NOC4L: variants seen among roughly 807,000 people sequenced by gnomAD.
NOC4L encodes nucleolar complex associated 4 homolog.
A neutral mutation model predicts 62.8 loss-of-function variants in NOC4L; 40 were observed. The ratio of observed to expected loss-of-function variants is 0.64; its 90% confidence interval spans 0.49 to 0.83. The LOEUF (loss-of-function observed/expected upper bound fraction) is 0.83, where lower values mean the gene tolerates loss of function less well. Ranked by LOEUF, NOC4L falls within the 40% of genes least tolerant of loss-of-function variation. The pLI, the probability that NOC4L is intolerant of heterozygous loss-of-function variation, is 0.00. For missense variants in NOC4L, 927 were observed against 701.9 expected, an observed-to-expected ratio of 1.32 and a Z score of -3.62; for synonymous variants, 433 against 299.8, an observed-to-expected ratio of 1.44 and a Z score of -4.59.
At chr12:132,148,554 C>G in intron 7 of NOC4L, 55 bp from the exon 8 acceptor site, 1 of 1,538,952 alleles carries the variant, frequency 6.5e-7, no homozygotes, top group Non-Finnish European at 8.8e-7. Flanking sequence ...GGCAGCTGCT[C>G]GGGCTCTGGT....
At position 132,144,492 on chromosome 12, in the gene NOC4L, G is replaced by A. The variant is rs765800396; in HGVS notation, c.4G>A (p.Glu2Lys). MEREPGAAGVRR... is the reference protein window; with the variant it reads MKREPGAAGVRR... The stretch of plus-strand genomic sequence containing the variant: ...GTTGTTCCGTGTTGGGGGCGGCATG[G>A]AGCGGGAGCCGGGCGCCGCGGGAGT... Residue 2 changes from glutamate (E) to lysine (K), a missense_variant, in exon 1 of 15, where the codon GAG (glutamate) becomes AAG (lysine). Physicochemically the swap from Glu to Lys is moderately conservative, Grantham distance 56. Coordinates refer to ENST00000330579, the MANE Select transcript of NOC4L (RefSeq NM_024078.3). 9.8e-6 allele frequency: 15 copies of A among 1,526,530 alleles called. No individual in the cohort carries two copies. Among genetic ancestry groups the A allele is most frequent in the Middle Eastern group, 2.3e-4 (1 of 4,318 alleles). 94.6% of individuals were successfully genotyped at this position (1,526,530 alleles called of 1,614,324 possible).
chr12:132,151,870 C>T (rs754342376), intron 13 of NOC4L, 50 bp downstream of exon 13: 4 of 1,565,016 alleles, frequency 2.6e-6, no homozygotes, highest in Admixed American at 1.7e-5. Flanking sequence ...ATCCTTCGGC[C>T]CCTCAGAAAG....
In NOC4L at chr12:132,150,983, G is replaced by A. The variant is rs1283528934; in HGVS notation, c.904G>A (p.Gly302Arg). The change falls in exon 10 of 15, where the codon GGG (glycine) becomes AGG (arginine). Residue 302 changes from glycine to arginine, a missense_variant and splice_region_variant. Transcript: ENST00000330579. ...DFLTRACDLG[G>R]ALSLLALNGL... ...AGCCTGTGTCTGTCTGTCTGCAGGG[G>A]GGGCCCTCAGCCTCTTGGCCTTGAA... 2.5e-6 allele frequency: 4 copies of A among 1,608,004 alleles called. No individual in the cohort carries two copies. The highest frequency in any genetic ancestry group is 2.7e-5 in the African/African-American group (2 of 74,816).
chr12:132,148,928 CTAAT>C (rs1897845845), intron 9 of NOC4L, 33 bp downstream of exon 9: 1 of 686,150 alleles, frequency 1.5e-6, no homozygotes, highest in African/African-American at 2.0e-5. Context: ...CACCACACCC[CTAAT>C]CCCCTCGGTG....
chr12:132,148,008 A>G (rs534244738), intron 6 of NOC4L, 29 bp downstream of exon 6: 5 of 1,612,772 alleles, frequency 3.1e-6, no homozygotes, highest in South Asian at 2.2e-5. Flanking sequence ...AGGGGCGGAC[A>G]GGGCTGAGCC....
rs142849510 is a variant in NOC4L at position 132,151,745 on chromosome 12, C to T, written c.1242C>T (p.Asp414=). Residue 414 remains aspartate, a synonymous_variant, in exon 13 of 15, where the codon GAC becomes GAT. Coordinates refer to ENST00000330579, the MANE Select transcript of NOC4L (RefSeq NM_024078.3). The part of the protein sequence containing the change: ...LVHRPHGPEL[D]ADPYDPGEED... ...CCCACGTCTCATTCCTAGAGTTGGA[C>T]GCCGACCCCTACGACCCTGGAGAGG... The T allele has an allele frequency of 2.0e-3, 3,241 of 1,612,376 alleles. 6 individuals are homozygous for T. Among genetic ancestry groups the T allele is most frequent in the Non-Finnish European group, 2.5e-3 (2,991 of 1,179,820 alleles).
intron 3 of NOC4L, 49 bp from the exon 4 acceptor site, chr12:132,147,232 A>G (rs1007894384): frequency 5.1e-6 from 7 of 1,359,622 alleles, no homozygotes; most frequent in Admixed American, 5.6e-5. Context: ...CTCTGGGCCC[A>G]TCCGTGGGGT....
intron 4 of NOC4L, 60 bp downstream of exon 4, chr12:132,147,448 C>T: frequency 6.7e-7 from 1 of 1,500,348 alleles, no homozygotes; most frequent in Non-Finnish European, 9.1e-7. Context: ...CCCAGGATGG[C>T]CCCGTAGTGG....
intron 4 of NOC4L, 99 bp downstream of exon 4, chr12:132,147,487 T>G: frequency 6.9e-7 from 1 of 1,449,886 alleles, no homozygotes; most frequent in African/African-American, 1.4e-5. Context: ...TGAGCCTGGC[T>G]GTTGGCTGGG....
Position 132,152,105 on chromosome 12 carries a change from C to A in NOC4L, c.1339C>A (p.Pro447Thr). 6.2e-7 allele frequency: 1 copy of A among 1,612,154 alleles called. No individual in the cohort carries two copies. The highest frequency in any genetic ancestry group is 8.5e-7 in the Non-Finnish European group (1 of 1,179,816). Residue 447 changes from proline to threonine, a missense_variant, in exon 14 of 15, where the codon CCT becomes ACT. Physicochemically the swap from Pro to Thr is conservative, Grantham distance 38. Transcript: ENST00000330579. Reference sequence around the variant, plus strand: ...CCAGGCCCTCCAGCGCCACTACCACCCTGAGGTGTCCAAAGCCGCCAGCGT... The same window carrying A: ...CCAGGCCCTCCAGCGCCACTACCACACTGAGGTGTCCAAAGCCGCCAGCGT... ...ELQALQRHYH[P>T]EVSKAASVIN...
chr12:132,151,833 C>T lies in NOC4L; in HGVS notation c.1317+13C>T, dbSNP rs1359283137. ...GTGGGAGCTTCAGGTGAGGGCGCTG[C>T]TGCCACACCCTGGGGCCTCCCGAGC... On this transcript the variant is annotated intron_variant, in intron 13 of 14. Transcript: ENST00000330579. 2 of 1,609,032 alleles carry T rather than the reference C, an allele frequency of 1.2e-6. No individual in the cohort carries two copies. Among genetic ancestry groups the T allele is most frequent in the East Asian group, 4.5e-5 (2 of 44,794 alleles).
chr12:132,151,416 C>T (rs748919946), intron 11 of NOC4L, 48 bp downstream of exon 11: 2 of 1,602,642 alleles, frequency 1.2e-6, no homozygotes, highest in Non-Finnish European at 1.7e-6. Context: ...CGGCTGCAGC[C>T]TGGGGCCAGG....
In NOC4L at chr12:132,147,104, C is replaced by T. The variant is rs78342602; in HGVS notation, c.346-177C>T. On this transcript the variant is annotated intron_variant, in intron 3 of 14. Transcript: ENST00000330579. ...ACTAGAGATCTTGTCATCTCTACGT[C>T]ATGGGTGGGACACGGAAGCCCAGAG... Among the ~76,000 whole-genome samples the T allele has an allele frequency of 1.2e-4, 19 of 152,324 alleles. No individual in the cohort carries two copies. In the East Asian group the frequency reaches 3.1e-3, roughly 25 times the overall value.
intron 3 of NOC4L, among the ~76,000 whole-genome samples, chr12:132,146,555 T>G (rs1329221425): frequency 6.6e-6 from 1 of 152,218 alleles, no homozygotes; most frequent in Non-Finnish European, 1.5e-5. Flanking sequence ...CCATAGTAGC[T>G]GCGCTATCTT....
intron 10 of NOC4L, 100 bp from the exon 11 acceptor site, chr12:132,151,158 T>C (rs1897923332): frequency 2.1e-6 from 3 of 1,415,454 alleles, no homozygotes; most frequent in African/African-American, 2.8e-5. Flanking sequence ...GGTGTTGGAG[T>C]CCCTGGGCGG....
At chr12:132,147,814 G>A in intron 5 of NOC4L, 32 bp downstream of exon 5, 1 of 1,611,312 alleles carries the variant, frequency 6.2e-7, no homozygotes, top group Non-Finnish European at 8.5e-7. Context: ...CCAGCATCAT[G>A]CTGTTGCCTC....
rs1004382234 is a variant in NOC4L at position 132,145,784 on chromosome 12, G to A, written c.345+119G>A. ...CCAGGCAAAGCTGCTTCCTTCATGG[G>A]AGCATCACCCTGTGGGTGTTCAGTC... is the stretch of plus-strand genomic sequence containing the variant. On this transcript the variant is annotated intron_variant, in intron 3 of 14. Coordinates refer to ENST00000330579, the MANE Select transcript of NOC4L (RefSeq NM_024078.3). The A allele has an allele frequency of 9.1e-6, 6 of 661,718 alleles. No individual in the cohort carries two copies. The Admixed American group carries it at 1.6e-4, about 18-fold the overall frequency. 41.0% of individuals were successfully genotyped at this position (661,718 alleles called of 1,614,324 possible).
rs1340065470 is a variant in NOC4L at position 132,144,622 on chromosome 12, C to A, written c.117+17C>A. ...GTGCTGCAGGTGGGCCTGGCGGCGTCGCAGGGCCGGAGTCGCGGCACGGGA... is the reference window on the plus strand; with the variant it reads ...GTGCTGCAGGTGGGCCTGGCGGCGTAGCAGGGCCGGAGTCGCGGCACGGGA... On this transcript the variant is annotated intron_variant, in intron 1 of 14. Coordinates refer to ENST00000330579, the MANE Select transcript of NOC4L (RefSeq NM_024078.3). 1 of 1,490,726 alleles carries A rather than the reference C, an allele frequency of 6.7e-7. No homozygotes were observed. The highest frequency in any genetic ancestry group is 2.3e-5 in the Admixed American group (1 of 43,102). 92.3% of individuals were successfully genotyped at this position (1,490,726 alleles called of 1,614,324 possible).
intron 7 of NOC4L, 44 bp downstream of exon 7, chr12:132,148,150 G>C: frequency 6.2e-7 from 1 of 1,604,604 alleles, no homozygotes; most frequent in South Asian, 1.1e-5. Context: ...GGGTTTGGGG[G>C]TGTGTGTGGG....
Sources: gnomAD v4.1 joint callset for allele counts (sites outside exome capture counted in the v4.1 genomes callset) on GRCh38, gnomAD v4.1.1 for gene constraint, MANE v1.5 for transcripts, NCBI Gene and HGNC (gene_info 2026-07-23, HGNC 2026-07-21) for gene names.